FERMT3: variants seen among roughly 807,000 people sequenced by gnomAD.
The protein encoded by FERMT3 is FERM domain containing kindlin 3.
Under a neutral mutation model 80.8 loss-of-function variants are expected in FERMT3, and 33 were observed. The observed-to-expected ratio is 0.41, with a 90% CI of 0.31 to 0.55. The LOEUF (loss-of-function observed/expected upper bound fraction) is 0.55, where lower values mean the gene tolerates loss of function less well. Ranked by LOEUF, FERMT3 falls within the 20% of genes least tolerant of loss-of-function variation. FERMT3 has a pLI of 0.31. For synonymous variants in FERMT3, 375 were observed against 372.2 expected (o/e 1.01, Z -0.09); for missense variants, 754 against 908.7 (o/e 0.83, Z 2.19).
chr11:64,208,713 C>A (rs1035196849), intron 2 of FERMT3, among the ~76,000 whole-genome samples: 6 of 152,048 alleles, frequency 3.9e-5, no homozygotes, highest in African/African-American at 7.2e-5. Flanking sequence ...GAGGTGGCCT[C>A]AGCAGGGAGG....
In FERMT3 at chr11:64,211,661, C is replaced by G; in HGVS notation, c.700C>G (p.Arg234Gly). ...QLHSRWLDSSRCLMQQGIKAG... is the reference protein window; with the variant it reads ...QLHSRWLDSSGCLMQQGIKAG... ...GCGGCCCAGGTGGCTGGACTCGTCG[C>G]GGTGTCTCATGCAGCAGGGCATCAA... The change falls in exon 6 of 15, where the codon CGG becomes GGG. Residue 234 changes from arginine to glycine, a missense_variant. Physicochemically the swap from Arg to Gly is moderately radical, Grantham distance 125. Transcript: ENST00000345728. This position sits in a 1 kb window ranked among gnomAD's most constrained non-coding sequence, Gnocchi z 4.7. 2 of 1,614,102 alleles carry G rather than the reference C, an allele frequency of 1.2e-6. No individual in the cohort carries two copies. The highest frequency in any genetic ancestry group is 1.7e-6 in the Non-Finnish European group (2 of 1,180,022).
intron 6 of FERMT3, among the ~76,000 whole-genome samples, chr11:64,218,672 T>A (rs4294564): frequency 6.6e-6 from 1 of 152,290 alleles, no homozygotes; most frequent in East Asian, 1.9e-4. Flanking sequence ...TTCAGCGGGA[T>A]TGTTGGTCTT....
rs910469323 is a variant in FERMT3 at position 64,207,233 on chromosome 11, G to T, written c.-14-118G>T. On this transcript the variant is annotated intron_variant, in intron 1 of 14. Transcript: ENST00000345728. The stretch of plus-strand genomic sequence containing the variant: ...CGTGCTGGCCTGGGTGCTCACTCCC[G>T]CCCTCCTTCATGAGCGGCTTTCCTC... The T allele has an allele frequency of 7.3e-6, 9 of 1,224,744 alleles. No homozygotes were observed. In the African/African-American group the frequency reaches 1.2e-4, roughly 16 times the overall value. 75.9% of individuals were successfully genotyped at this position (1,224,744 alleles called of 1,614,324 possible).
intron 6 of FERMT3, among the ~76,000 whole-genome samples, chr11:64,215,921 T>A (rs1376733930): frequency 6.7e-6 from 1 of 148,510 alleles, no homozygotes; most frequent in East Asian, 2.0e-4. Context: ...AACCTCCGCC[T>A]CCCGGGTTCA....
At chr11:64,208,756 G>A (rs994491801) in intron 2 of FERMT3, among the ~76,000 whole-genome samples, 1 of 152,184 alleles carries the variant, frequency 6.6e-6, no homozygotes, top group Non-Finnish European at 1.5e-5. Context: ...TCGGAGGGCT[G>A]TGAATTAGGG....
chr11:64,223,169 G>T lies in FERMT3; in HGVS notation c.1792G>T (p.Val598Phe). Residue 598 changes from valine to phenylalanine, a missense_variant, in exon 14 of 15, where the codon GTC becomes TTC. Coordinates refer to ENST00000345728, the MANE Select transcript of FERMT3 (RefSeq NM_031471.6). Reference protein sequence around the residue: ...WRFSNMRQWNVNWDIRQVAIE... With the variant: ...WRFSNMRQWNFNWDIRQVAIE... Reference sequence around the variant, plus strand: ...TTTCAGCAACATGCGCCAGTGGAATGTCAACTGGGACATCCGGCAGGTGGG... The same window carrying T: ...TTTCAGCAACATGCGCCAGTGGAATTTCAACTGGGACATCCGGCAGGTGGG... The T allele has an allele frequency of 6.2e-7, 1 of 1,613,904 alleles. No homozygotes were observed. Among genetic ancestry groups the T allele is most frequent in the South Asian group, 1.1e-5 (1 of 91,090 alleles).
rs1047416270 is a variant in FERMT3, at chr11:64,211,069, G to A, written c.412G>A (p.Glu138Lys). Residue 138 changes from glutamate to lysine, a missense_variant, in exon 4 of 15, where the codon GAG (glutamate) becomes AAG (lysine). Transcript: ENST00000345728. The surrounding 1 kb of genome is among the most constrained non-coding windows in gnomAD (Gnocchi z 4.7). The part of the protein sequence containing the change: ...CRLLSIRHPE[E>K]LSLLRAPEKK... ...CCCCTCAGGCATCCGGCACCCCGAG[G>A]AGCTGTCCCTGCTCCGGGCTCCTGA... is the stretch of plus-strand genomic sequence containing the variant. The A allele has an allele frequency of 1.3e-6, 2 of 1,594,724 alleles. No individual in the cohort carries two copies. The highest frequency in any genetic ancestry group is 1.7e-6 in the Non-Finnish European group (2 of 1,170,696).
rs1307248777 is a variant in FERMT3 at position 64,223,396 on chromosome 11, G to A, written c.1896G>A (p.Gly632=). The A allele has an allele frequency of 2.5e-6, 4 of 1,613,840 alleles. No homozygotes were observed. The highest frequency in any genetic ancestry group is 3.4e-6 in the Non-Finnish European group (4 of 1,180,050). The change falls in exon 15 of 15, where the codon GGG becomes GGA. Residue 632 remains glycine (G), a synonymous_variant. Transcript: ENST00000345728. ...GCCGAATTGTACACGAGTATATCGG[G>A]GGCTACATTTTCCTGTCGACGCGGG... ...ASCRIVHEYI[G]GYIFLSTRER... is the part of the protein sequence containing the mutation.
chr11:64,210,557 G>A lies in FERMT3; in HGVS notation c.161-54G>A. 1 of 1,560,154 alleles carries A rather than the reference G, an allele frequency of 6.4e-7. No individual in the cohort carries two copies. The highest frequency in any genetic ancestry group is 1.1e-5 in the South Asian group (1 of 89,840). ...TCTGAATCCTGGGGTTGTGCTGGGTGTTGGGGGCACCAGGGAGGAAGGTTG... is the reference window on the plus strand; with the variant it reads ...TCTGAATCCTGGGGTTGTGCTGGGTATTGGGGGCACCAGGGAGGAAGGTTG... On this transcript the variant is annotated intron_variant, in intron 2 of 14. Coordinates refer to ENST00000345728, the MANE Select transcript of FERMT3 (RefSeq NM_031471.6). The surrounding 1 kb of genome is among the most constrained non-coding windows in gnomAD (Gnocchi z 4.3).
At chr11:64,218,652 T>C (rs1389269658) in intron 6 of FERMT3, among the ~76,000 whole-genome samples, 1 of 152,222 alleles carries the variant, frequency 6.6e-6, no homozygotes, top group African/African-American at 2.4e-5. Flanking sequence ...GCTATCAATT[T>C]TGGGTGAGTT....
At position 64,211,890 on chromosome 11, in the gene FERMT3, C is replaced by T. The variant is rs1193357042; in HGVS notation, c.786+143C>T. On this transcript the variant is annotated intron_variant, in intron 6 of 14. Coordinates refer to ENST00000345728, the MANE Select transcript of FERMT3 (RefSeq NM_031471.6). This position sits in a 1 kb window ranked among gnomAD's most constrained non-coding sequence, Gnocchi z 4.7. ...TCCATCCACACCTTTGTTTACTGAC[C>T]CCACAAACACCCACTGAAACTCATC... 1.3e-6 allele frequency: 1 copy of T among 775,576 alleles called. No homozygotes were observed. Among genetic ancestry groups the T allele is most frequent in the East Asian group, 2.7e-5 (1 of 37,516 alleles). 48.0% of individuals were successfully genotyped at this position (775,576 alleles called of 1,614,324 possible). A position where few individuals can be genotyped will look rare whatever the true frequency, so the allele number is the denominator to read the frequency against.
rs769537058 is a variant in FERMT3 at position 64,219,433 on chromosome 11, T to C, written c.894+75T>C. On this transcript the variant is annotated intron_variant, in intron 7 of 14. Coordinates refer to ENST00000345728, the MANE Select transcript of FERMT3 (RefSeq NM_031471.6). This position sits in a 1 kb window ranked among gnomAD's most constrained non-coding sequence, Gnocchi z 4.0. Reference sequence around the variant, plus strand: ...CCAGGGCAGGAAGGGCCTTCCTGAGTGGGGGCTACCTCCAGGGAAGCCCGG... The same window carrying C: ...CCAGGGCAGGAAGGGCCTTCCTGAGCGGGGGCTACCTCCAGGGAAGCCCGG... 4 of 1,558,970 alleles carry C rather than the reference T, an allele frequency of 2.6e-6. No individual in the cohort carries two copies. The highest frequency in any genetic ancestry group is 2.4e-5 in the East Asian group (1 of 41,470).
At chr11:64,212,955 G>A (rs1447240295) in intron 6 of FERMT3, among the ~76,000 whole-genome samples, 2 of 151,950 alleles carry the variant, frequency 1.3e-5, no homozygotes, top group African/African-American at 4.8e-5. Context: ...GGGCAGTAGT[G>A]TTATCCCGGC....
upstream of FERMT3, among the ~76,000 whole-genome samples, chr11:64,206,360 C>T (rs1175673523): frequency 6.6e-6 from 1 of 152,218 alleles, no homozygotes; most frequent in Non-Finnish European, 1.5e-5. Context: ...CTGTCGACTC[C>T]TGGGCTCTCC....
chr11:64,216,197 ATTTTTTTT>A (rs756581025), intron 6 of FERMT3, among the ~76,000 whole-genome samples: 1 of 128,442 alleles, frequency 7.8e-6, no homozygotes, highest in South Asian at 2.5e-4. Context: ...CTCTGTAAGG[ATTTTTTTT>A]TTTTTTTTTG....
chr11:64,216,926 T>C (rs1946565266), intron 6 of FERMT3, among the ~76,000 whole-genome samples: 1 of 152,172 alleles, frequency 6.6e-6, no homozygotes, highest in Non-Finnish European at 1.5e-5. Context: ...CAAGCTGTTT[T>C]ATTCTTGTTG....
chr11:64,216,246 G>A (rs1451505985), intron 6 of FERMT3, among the ~76,000 whole-genome samples: 1 of 149,506 alleles, frequency 6.7e-6, no homozygotes, highest in Non-Finnish European at 1.5e-5. Flanking sequence ...ACCCAGGCTG[G>A]AGTGCAATGG....
rs60329788 is a variant in FERMT3, at chr11:64,214,168, C to CTTTTTTT, written c.786+2433_786+2439dup. On this transcript the variant is annotated intron_variant, in intron 6 of 14. Coordinates refer to ENST00000345728, the MANE Select transcript of FERMT3 (RefSeq NM_031471.6). ...AAATGGTTTTGAAGTTCATAATTGCCTTTTTTTTTTTTTTTTTTGAGATGA... is the reference window on the plus strand; with the variant it reads ...AAATGGTTTTGAAGTTCATAATTGCCTTTTTTTTTTTTTTTTTTTTTTTTTGAGATGA... Among the ~76,000 whole-genome samples, 217 of 113,392 alleles carry CTTTTTTT rather than the reference C, an allele frequency of 1.9e-3. 1 individual carries two copies. Among genetic ancestry groups the CTTTTTTT allele is most frequent in the Non-Finnish European group, 2.5e-3 (141 of 57,308 alleles). 74.4% of individuals were successfully genotyped at this position (113,392 alleles called of 152,430 possible).
In FERMT3 at chr11:64,219,499, C is replaced by T. The variant is rs775366496; in HGVS notation, c.895-25C>T. On this transcript the variant is annotated intron_variant, in intron 7 of 14. Coordinates refer to ENST00000345728, the MANE Select transcript of FERMT3 (RefSeq NM_031471.6). The surrounding 1 kb of genome is among the most constrained non-coding windows in gnomAD (Gnocchi z 4.0). ...AGGGGACCAGGCTGCTGGACTCAGC[C>T]CTCCCTGGCTTCATGACCACCTAGT... 3 of 1,585,284 alleles carry T rather than the reference C, an allele frequency of 1.9e-6. No homozygotes were observed. The highest frequency in any genetic ancestry group is 2.6e-6 in the Non-Finnish European group (3 of 1,167,048).
Sources: allele counts gnomAD v4.1 joint callset (sites outside exome capture counted in the v4.1 genomes callset), GRCh38; gene constraint gnomAD v4.1.1; non-coding constraint Gnocchi (gnomAD v3.1); transcripts MANE v1.5; gene names NCBI Gene and HGNC (gene_info 2026-07-23, HGNC 2026-07-21).